Variants in IFIT1 observed in about 807,000 individuals in gnomAD.
The protein encoded by IFIT1 is interferon induced protein with tetratricopeptide repeats 1, also known as antiviral innate immune response effector IFIT1.
In IFIT1, 1 loss-of-function variant was observed where a neutral mutation model predicts 2.5. The observed-to-expected ratio is 0.40, with a 90% CI of 0.14 to 1.92. The LOEUF is 1.92. IFIT1 is among the 40% of genes most tolerant of loss of function. The pLI is 0.31. For missense variants in IFIT1, 508 were observed against 557.8 expected, an observed-to-expected ratio of 0.91 and a Z score of 0.90; for synonymous variants, 191 against 201.7, an observed-to-expected ratio of 0.95 and a Z score of 0.45.
At chr10:89,395,791 T>C (rs1440455424) in intron 1 of IFIT1, among the ~76,000 whole-genome samples, 1 of 151,924 alleles carries the variant, frequency 6.6e-6, no homozygotes, top group African/African-American at 2.4e-5. Context: ...GTAGCCACTC[T>C]CACAGGAGAG....
intron 1 of IFIT1, among the ~76,000 whole-genome samples, chr10:89,399,992 G>A (rs897270395): frequency 4.6e-5 from 7 of 152,144 alleles, no homozygotes; most frequent in Non-Finnish European, 7.4e-5. Flanking sequence ...AGGACTTCTA[G>A]CCTCGAGAAC....
rs571699422 is a variant in IFIT1, at chr10:89,405,399, A to T, written c.*1687A>T. 1 of 152,354 alleles carries T rather than the reference A, an allele frequency of 6.6e-6. No homozygotes were observed. The highest frequency in any genetic ancestry group is 1.9e-4 in the East Asian group (1 of 5,190). 9.4% of individuals were successfully genotyped at this position (152,354 alleles called of 1,614,324 possible). A position where few individuals can be genotyped will look rare whatever the true frequency, so the allele number is the denominator to read the frequency against. On this transcript the variant is annotated 3_prime_UTR_variant, in exon 2 of 2. Transcript: ENST00000371804. Reference sequence around the variant, plus strand: ...AATAATAAGAAGGAAAAAATAAATAAGCAATGTTATTGATCTTTCATTCTG... The same window carrying T: ...AATAATAAGAAGGAAAAAATAAATATGCAATGTTATTGATCTTTCATTCTG...
Position 89,402,678 on chromosome 10 carries a change from A to G in IFIT1, c.403A>G (p.Arg135Gly). The change falls in exon 2 of 2, where the codon AGA becomes GGA. Residue 135 changes from arginine to glycine, a missense_variant. Arg to Gly is a moderately radical substitution (Grantham distance 125). Transcript: ENST00000371804. ...GAAGCTTTCAAATCCCTTCCGCTATAGAATGGAGTGTCCAGAAATAGACTG... is the reference window on the plus strand; with the variant it reads ...GAAGCTTTCAAATCCCTTCCGCTATGGAATGGAGTGTCCAGAAATAGACTG... Reference protein sequence around the residue: ...CKKLSNPFRYRMECPEIDCEE... With the variant: ...CKKLSNPFRYGMECPEIDCEE... 6.2e-7 allele frequency: 1 copy of G among 1,614,200 alleles called. No homozygotes were observed. The highest frequency in any genetic ancestry group is 8.5e-7 in the Non-Finnish European group (1 of 1,180,008).
intron 1 of IFIT1, among the ~76,000 whole-genome samples, chr10:89,401,819 T>C (rs1844429253): frequency 6.6e-6 from 1 of 151,822 alleles, no homozygotes; most frequent in South Asian, 2.1e-4. Flanking sequence ...TCAAATATTA[T>C]CTGTTTCATG....
At position 89,402,723 on chromosome 10, in the gene IFIT1, C is replaced by G. The variant is rs1286851193; in HGVS notation, c.448C>G (p.Leu150Val). 1.9e-6 allele frequency: 3 copies of G among 1,614,156 alleles called. No homozygotes were observed. In the South Asian group the frequency reaches 3.3e-5, roughly 18 times the overall value. ...EIDCEEGWAL[L>V]KCGGKNYERA... ...AGACTGTGAGGAAGGATGGGCCTTG[C>G]TGAAGTGTGGAGGAAAAAATTATGA... Residue 150 changes from leucine to valine, a missense_variant, in exon 2 of 2, where the codon CTG becomes GTG. Transcript: ENST00000371804.
chr10:89,399,566 G>T (rs304484), intron 1 of IFIT1, among the ~76,000 whole-genome samples: 51,197 of 151,794 alleles, frequency 0.34, 9,577 homozygotes, highest in East Asian at 0.61. Context: ...TAAAGTAAGG[G>T]TCCAACTTTA....
chr10:89,392,810 T>G, intron 1 of IFIT1, 93 bp downstream of exon 1: 2 of 1,331,122 alleles, frequency 1.5e-6, no homozygotes, highest in South Asian at 2.4e-5. Flanking sequence ...CTCAGTGAGG[T>G]CAGGTTTTCT....
In IFIT1 at chr10:89,405,020, A is replaced by G. The variant is rs558893275; in HGVS notation, c.*1308A>G. On this transcript the variant is annotated 3_prime_UTR_variant, in exon 2 of 2. Transcript: ENST00000371804. ...TTGTGATTTTATGTCAACACTATCA[A>G]TAAATAGCTTTCAGTGCAAGAAACC... 6.6e-6 allele frequency: 1 copy of G among 152,352 alleles called. No homozygotes were observed. The highest frequency in any genetic ancestry group is 2.4e-5 in the African/African-American group (1 of 41,588). 9.4% of individuals were successfully genotyped at this position (152,352 alleles called of 1,614,324 possible).
chr10:89,395,719 G>A (rs1329599951), intron 1 of IFIT1, among the ~76,000 whole-genome samples: 1 of 152,056 alleles, frequency 6.6e-6, no homozygotes, highest in Non-Finnish European at 1.5e-5. Context: ...TCCCAAGAAA[G>A]GCACATTGTA....
Position 89,403,369 on chromosome 10 carries a change from A to C in IFIT1, c.1094A>C (p.Lys365Thr). 6.2e-7 allele frequency: 1 copy of C among 1,613,410 alleles called. No homozygotes were observed. The highest frequency in any genetic ancestry group is 8.5e-7 in the Non-Finnish European group (1 of 1,179,694). Residue 365 changes from lysine (K) to threonine (T), a missense_variant, in exon 2 of 2, where the codon AAA becomes ACA. Coordinates refer to ENST00000371804, the MANE Select transcript of IFIT1 (RefSeq NM_001548.5). ...AGAAAAGCTGAAGAGAATTTTCAAAAATTGTTATGCATGAAACCAGTGGTA... is the reference window on the plus strand; with the variant it reads ...AGAAAAGCTGAAGAGAATTTTCAAACATTGTTATGCATGAAACCAGTGGTA... ...NHRKAEENFQKLLCMKPVVEE... is the reference protein window; with the variant it reads ...NHRKAEENFQTLLCMKPVVEE...
intron 1 of IFIT1, among the ~76,000 whole-genome samples, chr10:89,394,606 A>AACTTG (rs1564807745): frequency 8.5e-5 from 3 of 35,188 alleles, no homozygotes; most frequent in Non-Finnish European, 9.4e-5. Context: ...ATATATATAT[A>AACTTG]TATATATATA....
In IFIT1 at chr10:89,403,278, A is replaced by G. The variant is rs967718831; in HGVS notation, c.1003A>G (p.Lys335Glu). 6.2e-7 allele frequency: 1 copy of G among 1,614,092 alleles called. No individual in the cohort carries two copies. The highest frequency in any genetic ancestry group is 1.3e-5 in the African/African-American group (1 of 74,940). ...ATTTCATTTTGAATCTGCAGTGGAA[A>G]AAAAGCCCACATTTGAGGTGGCTCA... ...AIFHFESAVE[K>E]KPTFEVAHLD... The change falls in exon 2 of 2, where the codon AAA becomes GAA. Residue 335 changes from lysine (K) to glutamate (E), a missense_variant. Physicochemically the swap from Lys to Glu is moderately conservative, Grantham distance 56. Coordinates refer to ENST00000371804, the MANE Select transcript of IFIT1 (RefSeq NM_001548.5).
intron 1 of IFIT1, among the ~76,000 whole-genome samples, chr10:89,401,080 T>C (rs1171956209): frequency 6.6e-6 from 1 of 152,112 alleles, no homozygotes; most frequent in Non-Finnish European, 1.5e-5. Flanking sequence ...TTTTTGTATA[T>C]TGAACTATCC....
At position 89,398,083 on chromosome 10, in the gene IFIT1, C is replaced by T. The variant is rs146710007; in HGVS notation, c.6-4198C>T. On this transcript the variant is annotated intron_variant, in intron 1 of 1. Transcript: ENST00000371804. ...AAACAATCATTTCCTATTCCCTCCT[C>T]CCCCAGTGTGGAGGATCAGTCAGAG... is the stretch of plus-strand genomic sequence containing the variant. Among the ~76,000 whole-genome samples the T allele has an allele frequency of 6.2e-4, 94 of 152,264 alleles. No homozygotes were observed. In the East Asian group the frequency reaches 0.015, roughly 25 times the overall value.
chr10:89,402,469 A>C lies in IFIT1; in HGVS notation c.194A>C (p.Lys65Thr). The change falls in exon 2 of 2, where the codon AAA becomes ACA. Residue 65 changes from lysine (K) to threonine (T), a missense_variant. Lys to Thr is a moderately conservative substitution (Grantham distance 78, BLOSUM62 -1). Transcript: ENST00000371804. ...HNLLAYVKHL[K>T]GQNEEALKSL... The stretch of plus-strand genomic sequence containing the variant: ...CTACTAGCCTATGTGAAACACCTGA[A>C]AGGCCAGAATGAGGAAGCCCTGAAG... 1 of 1,614,204 alleles carries C rather than the reference A, an allele frequency of 6.2e-7. No homozygotes were observed. Among genetic ancestry groups the C allele is most frequent in the African/African-American group, 1.3e-5 (1 of 75,054 alleles).
intron 1 of IFIT1, 69 bp from the exon 2 acceptor site, chr10:89,402,212 T>C: frequency 5.3e-6 from 5 of 937,460 alleles, no homozygotes; most frequent in Non-Finnish European, 8.2e-6. Context: ...AAATACAAGG[T>C]ATTTTATCTG....
chr10:89,401,951 T>C (rs1844431660), intron 1 of IFIT1, among the ~76,000 whole-genome samples: 1 of 152,226 alleles, frequency 6.6e-6, no homozygotes, highest in Admixed American at 6.5e-5. Flanking sequence ...AACTCTTATA[T>C]AGCATATAAT....
intron 1 of IFIT1, among the ~76,000 whole-genome samples, chr10:89,395,444 G>C (rs952035175): frequency 4.6e-5 from 7 of 152,150 alleles, no homozygotes; most frequent in Non-Finnish European, 1.0e-4. Flanking sequence ...CTCTGGATCT[G>C]TAAGTAATAA....
At chr10:89,398,786 A>G (rs1401755941) in intron 1 of IFIT1, among the ~76,000 whole-genome samples, 1 of 152,200 alleles carries the variant, frequency 6.6e-6, no homozygotes, top group Non-Finnish European at 1.5e-5. Flanking sequence ...ATCAATGGAC[A>G]CTTAAGTTGC....
Sources: gnomAD v4.1 joint callset for allele counts (sites outside exome capture counted in the v4.1 genomes callset) on GRCh38, gnomAD v4.1.1 for gene constraint, MANE v1.5 for transcripts, NCBI Gene and HGNC (gene_info 2026-07-23, HGNC 2026-07-21) for gene names.